Variants in GRB2 observed in about 807,000 individuals in gnomAD.
GRB2 encodes the protein growth factor receptor bound protein 2.
In GRB2, 2 loss-of-function variants were observed where a neutral mutation model predicts 27.4. The observed-to-expected ratio is 0.07, with a 90% confidence interval of 0.03 to 0.23. The LOEUF (loss-of-function observed/expected upper bound fraction) is 0.23. GRB2 is among the 10% of genes least tolerant of loss of function. The pLI, the probability that GRB2 is intolerant of heterozygous loss-of-function variation, is 1.00. For synonymous variants in GRB2, 94 were observed against 99.6 expected (o/e 0.94, Z 0.33); for missense variants, 102 against 282.4 (o/e 0.36, Z 4.58).
At chr17:75,356,800 TTCTTGGCTTCCAAGACACATCA>T (rs1598235586) in intron 2 of GRB2, among the ~76,000 whole-genome samples, 1 of 152,204 alleles carries the variant, frequency 6.6e-6, no homozygotes, top group East Asian at 1.9e-4. Flanking sequence ...TTGAAGCACT[TTCTTGGCTTCCAAGACACATCA>T]TTTCCCAGCT....
chr17:75,339,420 C>T (rs1358379506), intron 2 of GRB2, among the ~76,000 whole-genome samples: 1 of 151,464 alleles, frequency 6.6e-6, no homozygotes, highest in Non-Finnish European at 1.5e-5. Context: ...GTCTCGATCA[C>T]TTGACCCCCT....
chr17:75,354,889 G>A (rs1375536729), intron 2 of GRB2, among the ~76,000 whole-genome samples: 2 of 152,170 alleles, frequency 1.3e-5, no homozygotes, highest in Non-Finnish European at 2.9e-5. Flanking sequence ...ATCTATGGCC[G>A]GGCACAGTTC....
chr17:75,387,872 G>A (rs188558423), intron 2 of GRB2: 1 of 151,978 alleles, frequency 6.6e-6, no homozygotes, highest in East Asian at 1.9e-4. Context: ...AGGTGAAACT[G>A]AAAGATTCTG....
At chr17:75,397,764 ATAACATACAT>A (rs1016106351) in intron 1 of GRB2, among the ~76,000 whole-genome samples, 1 of 152,156 alleles carries the variant, frequency 6.6e-6, no homozygotes, top group African/African-American at 2.4e-5. Flanking sequence ...GACAACATAT[ATAACATACAT>A]TAAGTGCTCT....
rs58860615 is a variant in GRB2 at position 75,385,029 on chromosome 17, C to CAA, written c.78+8520_78+8521dup. ...CAACAGTGAGACCTCCTGGCTCTAC[C>CAA]AAAAAAAAAAAAAAAAAAAAAAAAA... On this transcript the variant is annotated intron_variant, in intron 2 of 5. Coordinates refer to ENST00000316804, the MANE Select transcript of GRB2 (RefSeq NM_002086.5). 4.1e-3 allele frequency among the ~76,000 whole-genome samples: 225 copies of CAA among 55,318 alleles called. 26 individuals are homozygous for CAA. Among genetic ancestry groups the CAA allele is most frequent in the African/African-American group, 0.019 (204 of 10,626 alleles). The allele number at this position is 55,318 out of a possible 152,430, so 36.3% of individuals were successfully genotyped here.
chr17:75,391,865 T>A (rs750395907), intron 2 of GRB2, among the ~76,000 whole-genome samples: 3 of 152,124 alleles, frequency 2.0e-5, no homozygotes, highest in Non-Finnish European at 4.4e-5. Context: ...TAGTTTTGTT[T>A]TAATTTGTTG....
At chr17:75,350,900 G>A (rs906865317) in intron 2 of GRB2, among the ~76,000 whole-genome samples, 19 of 152,292 alleles carry the variant, frequency 1.2e-4, no homozygotes, top group African/African-American at 4.3e-4. Flanking sequence ...TCCAGGCAGA[G>A]GAATGCGCAG....
At position 75,324,507 on chromosome 17, in the gene GRB2, G is replaced by GTCTTTTTTTTTTTTTT. The variant is rs1555608338; in HGVS notation, c.299+1390_299+1391insAAAAAAAAAAAAAAGA. On this transcript the variant is annotated intron_variant, in intron 4 of 5. Transcript: ENST00000316804. ...TTACAGGTGTGAGCCACCGCACCCA[G>GTCTTTTTTTTTTTTTT]TTTTTTTTTTTTTTTTTTTTTTTTT... is the stretch of plus-strand genomic sequence containing the variant. Among the ~76,000 whole-genome samples the GTCTTTTTTTTTTTTTT allele has an allele frequency of 2.7e-4, 10 of 36,698 alleles. 1 individual carries two copies. The highest frequency in any genetic ancestry group is 8.2e-4 in the African/African-American group (10 of 12,208). 24.1% of individuals were successfully genotyped at this position (36,698 alleles called of 152,430 possible).
intron 2 of GRB2, among the ~76,000 whole-genome samples, chr17:75,337,862 G>A (rs1292778250): frequency 1.3e-4 from 12 of 93,054 alleles, no homozygotes; most frequent in Admixed American, 9.6e-4. Flanking sequence ...CACTGCGCCC[G>A]GCCTACTATT....
intron 2 of GRB2, among the ~76,000 whole-genome samples, chr17:75,378,404 A>C (rs947900322): frequency 1.3e-5 from 2 of 151,356 alleles, no homozygotes; most frequent in Non-Finnish European, 2.9e-5. Flanking sequence ...ACAAACAAAC[A>C]CCCAAACCCA....
At position 75,320,704 on chromosome 17, in the gene GRB2, T is replaced by C; in HGVS notation, c.469-151A>G. ...TCCCATCTCCCAACCCCCCGTTTAT[T>C]CTTACCTATTCTAAGTTTACAGGCC... On this transcript the variant is annotated intron_variant, in intron 5 of 5. Coordinates refer to ENST00000316804, the MANE Select transcript of GRB2 (RefSeq NM_002086.5). This position sits in a 1 kb window ranked among gnomAD's most constrained non-coding sequence, Gnocchi z 4.3. 1 of 620,138 alleles carries C rather than the reference T, an allele frequency of 1.6e-6. No individual in the cohort carries two copies. The highest frequency in any genetic ancestry group is 2.9e-6 in the Non-Finnish European group (1 of 346,822). 38.4% of individuals were successfully genotyped at this position (620,138 alleles called of 1,614,324 possible). A position where few individuals can be genotyped will look rare whatever the true frequency, so the allele number is the denominator to read the frequency against.
intron 1 of GRB2, chr17:75,394,142 C>T (rs2079016384): frequency 6.4e-6 from 1 of 156,338 alleles, no homozygotes; most frequent in Non-Finnish European, 1.4e-5. Context: ...AGGCCTCACC[C>T]TGGGGATGGC....
intron 2 of GRB2, among the ~76,000 whole-genome samples, chr17:75,358,022 C>T (rs1386314094): frequency 1.3e-5 from 2 of 152,186 alleles, no homozygotes; most frequent in South Asian, 4.1e-4. Flanking sequence ...CGCTTGAACC[C>T]GGGAGGTGGA....
chr17:75,358,219 TAAATA>T (rs993019885), intron 2 of GRB2, among the ~76,000 whole-genome samples: 8 of 152,346 alleles, frequency 5.3e-5, no homozygotes, highest in African/African-American at 1.9e-4. Flanking sequence ...AATAGCTAAG[TAAATA>T]AATATTTAAA....
intron 2 of GRB2, among the ~76,000 whole-genome samples, chr17:75,388,727 C>T (rs951057889): frequency 6.6e-6 from 1 of 151,902 alleles, no homozygotes; most frequent in African/African-American, 2.4e-5. Context: ...CAGGCTTGCA[C>T]GAGCATGCCT....
Position 75,318,916 on chromosome 17 carries a change from G to A in GRB2, c.*1452C>T, listed in dbSNP as rs1396695994. On this transcript the variant is annotated 3_prime_UTR_variant, in exon 6 of 6. Transcript: ENST00000316804. ...ACTTCCTCCTCCGCTCTCCTTGTCT[G>A]GGACTTGCTGGTTCCAGGGGTGCAT... 2.0e-5 allele frequency: 3 copies of A among 152,350 alleles called. No individual in the cohort carries two copies. Among genetic ancestry groups the A allele is most frequent in the Non-Finnish European group, 2.9e-5 (2 of 68,146 alleles). 9.4% of individuals were successfully genotyped at this position (152,350 alleles called of 1,614,324 possible).
chr17:75,393,717 G>A lies in GRB2; in HGVS notation c.-89C>T, dbSNP rs1354143209. The A allele has an allele frequency of 9.9e-7, 1 of 1,006,664 alleles. No homozygotes were observed. Among genetic ancestry groups the A allele is most frequent in the Non-Finnish European group, 1.6e-6 (1 of 642,124 alleles). 62.4% of individuals were successfully genotyped at this position (1,006,664 alleles called of 1,614,324 possible). ...AACCCAGCGCTCTGGGCTTAGCCTCGCCTCTCTTCTGGGACTCGCTCCGGC... is the reference window on the plus strand; with the variant it reads ...AACCCAGCGCTCTGGGCTTAGCCTCACCTCTCTTCTGGGACTCGCTCCGGC... On this transcript the variant is annotated 5_prime_UTR_variant, in exon 2 of 6. Coordinates refer to ENST00000316804, the MANE Select transcript of GRB2 (RefSeq NM_002086.5).
intron 4 of GRB2, among the ~76,000 whole-genome samples, chr17:75,325,556 C>CAGCCAAGGCAAGCCAAGGAG (rs1187287768): frequency 6.6e-6 from 1 of 152,212 alleles, no homozygotes; most frequent in Non-Finnish European, 1.5e-5. Context: ...CAAGCCAAGG[C>CAGCCAAGGCAAGCCAAGGAG]AGCCGACAGG....
chr17:75,379,480 T>C (rs1236148440), intron 2 of GRB2, among the ~76,000 whole-genome samples: 1 of 150,694 alleles, frequency 6.6e-6, no homozygotes, highest in African/African-American at 2.4e-5. Context: ...CTCATTGTAG[T>C]CTCCACCTCC....
Sources: allele counts gnomAD v4.1 joint callset (sites outside exome capture counted in the v4.1 genomes callset), GRCh38; gene constraint gnomAD v4.1.1; non-coding constraint Gnocchi (gnomAD v3.1); transcripts MANE v1.5; gene names NCBI Gene and HGNC (gene_info 2026-07-23, HGNC 2026-07-21).